Variants in KIAA1549L observed in about 807,000 individuals in gnomAD.
KIAA1549L encodes KIAA1549 like.
In KIAA1549L, 88 loss-of-function variants were observed where a neutral mutation model predicts 160.7. The ratio of observed to expected loss-of-function variants is 0.55; its 90% CI spans 0.46 to 0.65. The LOEUF is 0.65. Ranked by LOEUF, KIAA1549L falls within the 30% of genes least tolerant of loss-of-function variation. The probability of loss-of-function intolerance (pLI) is 0.00; values close to 1 mark genes in which losing one functional copy is unlikely to be tolerated. For missense variants in KIAA1549L, 2,258 were observed against 2,437.5 expected, an observed-to-expected ratio of 0.93 and a Z score of 1.55; for synonymous variants, 950 against 976.7, an observed-to-expected ratio of 0.97 and a Z score of 0.51.
chr11:33,453,048 T>C (rs1371861389), intron 1 of KIAA1549L, among the ~76,000 whole-genome samples: 4 of 152,234 alleles, frequency 2.6e-5, no homozygotes, highest in African/African-American at 9.6e-5. Flanking sequence ...TAAGATTCTT[T>C]GGATGAAACT....
At chr11:33,658,446 T>C (rs1852144218) in intron 18 of KIAA1549L, among the ~76,000 whole-genome samples, 1 of 152,184 alleles carries the variant, frequency 6.6e-6, no homozygotes, top group South Asian at 2.1e-4. Flanking sequence ...TCTTATTTTA[T>C]GTGGAAATTA....
chr11:33,541,760 A>G (rs1854027504), intron 1 of KIAA1549L, 42 bp from the exon 2 acceptor site: 1 of 234,460 alleles, frequency 4.3e-6, no homozygotes, highest in African/African-American at 2.2e-5. Context: ...CAGGCACTTC[A>G]TGAGCATCCA....
intron 10 of KIAA1549L, among the ~76,000 whole-genome samples, chr11:33,580,813 A>G (rs747289024): frequency 2.0e-5 from 3 of 152,176 alleles, no homozygotes; most frequent in Non-Finnish European, 4.4e-5. Context: ...CTAAATAAAT[A>G]AGTAACATGT....
chr11:33,404,826 A>G (rs1216314448), intron 1 of KIAA1549L, among the ~76,000 whole-genome samples: 2 of 151,920 alleles, frequency 1.3e-5, no homozygotes, highest in African/African-American at 2.4e-5. Flanking sequence ...CCTGGCCAAC[A>G]TGGTGAAACC....
At chr11:33,654,595 T>G (rs1266466794) in intron 17 of KIAA1549L, among the ~76,000 whole-genome samples, 6 of 152,194 alleles carry the variant, frequency 3.9e-5, no homozygotes, top group Admixed American at 3.9e-4. Context: ...TGGAGGTGAG[T>G]GCCTCAGGTT....
chr11:33,606,733 C>T lies in KIAA1549L; in HGVS notation c.4972C>T (p.Gln1658Ter), dbSNP rs1459560990. Reference protein sequence around the residue: ...EPFDTSSGSVQLIAIKPTALP... With the variant: ...EPFDTSSGSV ...CTTTGACACATCTTCTGGGTCTGTG[C>T]AGCTCATTGCCATAAAACCCACAGC... Residue 1658 changes from glutamine to a stop codon, truncating the protein, a stop_gained, in exon 14 of 21, where the codon CAG becomes TAG. Coordinates refer to ENST00000658780, the MANE Select transcript of KIAA1549L (RefSeq NM_012194.3). LOFTEE classifies it high-confidence loss of function. 1 of 1,613,774 alleles carries T rather than the reference C, an allele frequency of 6.2e-7. No individual in the cohort carries two copies. Among genetic ancestry groups the T allele is most frequent in the African/African-American group, 1.3e-5 (1 of 74,924 alleles).
intron 10 of KIAA1549L, 145 bp downstream of exon 10, chr11:33,575,018 T>C (rs1855399751): frequency 1.4e-6 from 1 of 713,300 alleles, no homozygotes; most frequent in East Asian, 2.6e-5. Flanking sequence ...CAGCTATGTT[T>C]CTGTGTTGTT....
Position 33,429,931 on chromosome 11 carries a change from C to T in KIAA1549L, c.238+53042C>T, listed in dbSNP as rs558430285. Among the ~76,000 whole-genome samples the T allele has an allele frequency of 9.2e-5, 14 of 152,248 alleles. No homozygotes were observed. The South Asian group carries it at 2.9e-3, about 32-fold the overall frequency. ...TCCTGCTTCTTCTCCTACCCCTCAC[C>T]ATCTCTTCTGTATGAAACAGCAACC... On this transcript the variant is annotated intron_variant, in intron 1 of 20. Transcript: ENST00000658780.
At chr11:33,641,551 C>T (rs1851579115) in intron 16 of KIAA1549L, among the ~76,000 whole-genome samples, 1 of 94,416 alleles carries the variant, frequency 1.1e-5, no homozygotes, top group African/African-American at 4.4e-5. Context: ...GAGCCCACAA[C>T]TATAGTATGG....
Position 33,617,095 on chromosome 11 carries a change from C to T in KIAA1549L, c.5280-1438C>T, listed in dbSNP as rs183154292. 3.6e-3 allele frequency among the ~76,000 whole-genome samples: 535 copies of T among 149,974 alleles called. 2 individuals are homozygous for T. Among genetic ancestry groups the T allele is most frequent in the Non-Finnish European group, 5.6e-3 (380 of 67,766 alleles). On this transcript the variant is annotated intron_variant, in intron 15 of 20. Transcript: ENST00000658780. The stretch of plus-strand genomic sequence containing the variant: ...GGTCAAGGCTGCAGTGAGGTTATAC[C>T]GCTGCACTCCAGCCAGGGTGACAGA...
intron 15 of KIAA1549L, among the ~76,000 whole-genome samples, chr11:33,618,124 T>C (rs1347593906): frequency 1.3e-5 from 2 of 152,216 alleles, no homozygotes; most frequent in Admixed American, 6.5e-5. Context: ...ATCCTGCGTG[T>C]GAAACCAGAA....
rs748247238 is a variant in KIAA1549L, at chr11:33,545,297, G to T, written c.3304G>T (p.Ala1102Ser). ...AAACACAGATGCTGTCCTTCCTGCTGCATCGGCTGCAGTGGTCACGACTGG... is the reference window on the plus strand; with the variant it reads ...AAACACAGATGCTGTCCTTCCTGCTTCATCGGCTGCAGTGGTCACGACTGG... ...AENTDAVLPA[A>S]SAAVVTTGKM... Residue 1102 changes from alanine (A) to serine (S), a missense_variant, in exon 3 of 21, where the codon GCA becomes TCA. Ala to Ser is a moderately conservative substitution (Grantham distance 99, BLOSUM62 1). Around this residue, in one of 6 missense-constraint regions of KIAA1549L, gnomAD observed 1,359 missense variants for 1,546.6 expected, o/e 0.88. Transcript: ENST00000658780. 17 of 1,613,856 alleles carry T rather than the reference G, an allele frequency of 1.1e-5. No homozygotes were observed. The East Asian group carries it at 3.1e-4, about 30-fold the overall frequency.
At chr11:33,501,139 G>A (rs866698063) in intron 1 of KIAA1549L, among the ~76,000 whole-genome samples, 1 of 152,128 alleles carries the variant, frequency 6.6e-6, no homozygotes, top group Admixed American at 6.5e-5. Context: ...CAGAGACTAG[G>A]GCAAAGGCGA....
In KIAA1549L at chr11:33,609,745, C is replaced by T. The variant is rs1412599490; in HGVS notation, c.5062-4C>T. 1.3e-6 allele frequency: 2 copies of T among 1,599,034 alleles called. No homozygotes were observed. Among genetic ancestry groups the T allele is most frequent in the East Asian group, 2.3e-5 (1 of 44,170 alleles). On this transcript the variant is annotated splice_region_variant and splice_polypyrimidine_tract_variant and intron_variant, in intron 14 of 20. Transcript: ENST00000658780. ...TTTGGGCCTGAGACTGCCTCTCTCC[C>T]CAGGTGAACAAAGCCCTGAAGCAGA...
chr11:33,637,110 CAG>C (rs369506495), intron 16 of KIAA1549L, among the ~76,000 whole-genome samples: 100 of 152,290 alleles, frequency 6.6e-4, no homozygotes, highest in African/African-American at 2.2e-3. Context: ...TTGGGGAGCT[CAG>C]AGACCATTAA....
chr11:33,444,528 A>C (rs924363113), intron 1 of KIAA1549L, among the ~76,000 whole-genome samples: 1 of 152,242 alleles, frequency 6.6e-6, no homozygotes, highest in Admixed American at 6.5e-5. Flanking sequence ...ATCTGGGGGA[A>C]GATGGGAGGA....
Position 33,541,876 on chromosome 11 carries a change from C to T in KIAA1549L, c.313C>T (p.Pro105Ser). The T allele has an allele frequency of 7.7e-6, 2 of 260,794 alleles. No homozygotes were observed. Among genetic ancestry groups the T allele is most frequent in the South Asian group, 8.0e-5 (2 of 24,950 alleles). 16.2% of individuals were successfully genotyped at this position (260,794 alleles called of 1,614,324 possible). A position where few individuals can be genotyped will look rare whatever the true frequency, so the allele number is the denominator to read the frequency against. Reference protein sequence around the residue: ...FPPGKLLPISPTWPFTEVRSS... With the variant: ...FPPGKLLPISSTWPFTEVRSS... ...TCCCGGGAAATTGTTACCAATTTCACCAACATGGCCTTTCACAGAAGTCAG... is the reference window on the plus strand; with the variant it reads ...TCCCGGGAAATTGTTACCAATTTCATCAACATGGCCTTTCACAGAAGTCAG... Residue 105 changes from proline (P) to serine (S), a missense_variant, in exon 2 of 21, where the codon CCA becomes TCA. Pro to Ser is a moderately conservative substitution (Grantham distance 74, BLOSUM62 -1). Around this residue, in one of 6 missense-constraint regions of KIAA1549L, gnomAD observed 540 missense variants for 465.7 expected, o/e 1.16. Transcript: ENST00000658780.
chr11:33,630,943 G>T (rs1460074676), intron 16 of KIAA1549L, among the ~76,000 whole-genome samples: 2 of 152,218 alleles, frequency 1.3e-5, no homozygotes, highest in Admixed American at 6.5e-5. Context: ...AGGGAAAGAT[G>T]TATTAATTTT....
At chr11:33,458,888 T>A (rs1469369120) in intron 1 of KIAA1549L, among the ~76,000 whole-genome samples, 1 of 152,130 alleles carries the variant, frequency 6.6e-6, no homozygotes, top group East Asian at 1.9e-4. Flanking sequence ...AAGCATAGAA[T>A]GAACAGTGTT....
Sources: allele counts gnomAD v4.1 joint callset (sites outside exome capture counted in the v4.1 genomes callset), GRCh38; gene constraint gnomAD v4.1.1; regional missense constraint gnomAD v4.1.1; transcripts MANE v1.5; gene names NCBI Gene and HGNC (gene_info 2026-07-23, HGNC 2026-07-21).